Variants in CECR2 observed in about 807,000 individuals in gnomAD.
CECR2 encodes the protein CECR2 histone acetyl-lysine reader.
CECR2 carries 30 observed loss-of-function variants against 154.5 expected under a neutral mutation model. The observed-to-expected ratio is 0.19, with a 90% CI of 0.15 to 0.26. CECR2 has a LOEUF of 0.26. Ranked by LOEUF, CECR2 falls within the 10% of genes least tolerant of loss-of-function variation. The pLI is 1.00. For synonymous variants in CECR2, 725 were observed against 683.7 expected (o/e 1.06, Z -0.94); for missense variants, 1,743 against 1,829.3 (o/e 0.95, Z 0.86).
chr22:17,545,908 A>C (rs2056606956), intron 16 of CECR2, among the ~76,000 whole-genome samples: 2 of 151,842 alleles, frequency 1.3e-5, no homozygotes, highest in Admixed American at 6.6e-5. Context: ...ACTCATTTAA[A>C]TTTTTGTGTT....
intron 1 of CECR2, among the ~76,000 whole-genome samples, chr22:17,446,359 C>G (rs567879088): frequency 1.3e-5 from 2 of 152,114 alleles, no homozygotes; most frequent in African/African-American, 4.8e-5. Flanking sequence ...CCGGTGGGTT[C>G]TTGGTCTCAC....
intron 8 of CECR2, among the ~76,000 whole-genome samples, chr22:17,523,755 CAAAAAAAAAA>C (rs66963477): frequency 0.076 from 7,706 of 101,246 alleles, 239 homozygotes; most frequent in Middle Eastern, 0.097. Flanking sequence ...GACTCTATCT[CAAAAAAAAAA>C]AAAAAAAAAA....
chr22:17,378,612 G>C (rs536820691), intron 1 of CECR2, among the ~76,000 whole-genome samples: 1 of 152,192 alleles, frequency 6.6e-6, no homozygotes. Context: ...TAGCAGTATT[G>C]TTGGCCTCTA....
chr22:17,544,829 AAAAAAAAG>A (rs1177724426), intron 16 of CECR2, among the ~76,000 whole-genome samples: 5 of 150,544 alleles, frequency 3.3e-5, no homozygotes, highest in Admixed American at 6.6e-5. Flanking sequence ...AAAAAAAAAA[AAAAAAAAG>A]GTTCATGCCT....
At chr22:17,504,435 T>A (rs1205635235) in intron 6 of CECR2, among the ~76,000 whole-genome samples, 1 of 150,690 alleles carries the variant, frequency 6.6e-6, no homozygotes, top group African/African-American at 2.4e-5. Flanking sequence ...TTTTTTTTAT[T>A]TTTATTTATT....
chr22:17,423,309 C>T (rs62239280), intron 1 of CECR2, among the ~76,000 whole-genome samples: 22,287 of 151,880 alleles, frequency 0.15, 1,673 homozygotes, highest in South Asian at 0.18. Flanking sequence ...CCTTCCCCTG[C>T]GTCAGTTAGG....
At chr22:17,532,626 TGAAACTCCAA>T (rs2056373735) in intron 9 of CECR2, among the ~76,000 whole-genome samples, 1 of 151,002 alleles carries the variant, frequency 6.6e-6, no homozygotes, top group African/African-American at 2.4e-5. Context: ...GTGTATGACT[TGAAACTCCAA>T]GAAAATCACC....
rs2056504524 is a variant in CECR2 at position 17,540,452 on chromosome 22, T to C, written c.1536T>C (p.His512=). Residue 512 remains histidine, a synonymous_variant, in exon 14 of 19, where the codon CAT becomes CAC. Transcript: ENST00000262608. ...CTGATAATTTAGAGAGGTGTTTCCA[T>C]CGGGCAATGATGAAACATTTTCCTG... ...KMSDNLERCF[H]RAMMKHFPGE... 1 of 1,580,534 alleles carries C rather than the reference T, an allele frequency of 6.3e-7. No individual in the cohort carries two copies. Among genetic ancestry groups the C allele is most frequent in the African/African-American group, 1.4e-5 (1 of 73,834 alleles).
chr22:17,516,846 G>A (rs917840495), intron 8 of CECR2, among the ~76,000 whole-genome samples: 4 of 151,760 alleles, frequency 2.6e-5, no homozygotes, highest in East Asian at 3.9e-4. Context: ...TGCCCGCCTC[G>A]TCCTCCCAAA....
At position 17,541,960 on chromosome 22, in the gene CECR2, C is replaced by A. The variant is rs2056530834; in HGVS notation, c.2006C>A (p.Thr669Asn). 1 of 1,612,992 alleles carries A rather than the reference C, an allele frequency of 6.2e-7. No individual in the cohort carries two copies. The highest frequency in any genetic ancestry group is 1.7e-5 in the Admixed American group (1 of 59,808). Reference protein sequence around the residue: ...GEPVQQRQPFTMQPPVGINSL... With the variant: ...GEPVQQRQPFNMQPPVGINSL... ...CCTGTGCAGCAGCGTCAGCCTTTCA[C>A]CATGCAGGTAAGCAGCCTACTCTGG... The change falls in exon 15 of 19, where the codon ACC becomes AAC. Residue 669 changes from threonine (T) to asparagine (N), a missense_variant. Transcript: ENST00000262608.
intron 2 of CECR2, among the ~76,000 whole-genome samples, chr22:17,495,226 C>A (rs868406342): frequency 7.2e-5 from 11 of 152,084 alleles, no homozygotes; most frequent in African/African-American, 2.4e-4. Context: ...TGTAAAATAA[C>A]CATCTAACAA....
chr22:17,522,674 C>T (rs1441506311), intron 8 of CECR2, among the ~76,000 whole-genome samples: 1 of 152,156 alleles, frequency 6.6e-6, no homozygotes, highest in Admixed American at 6.5e-5. Flanking sequence ...TAAAGTCAGG[C>T]TCATAGATTT....
At chr22:17,475,474 A>G (rs2055193828) in intron 1 of CECR2, among the ~76,000 whole-genome samples, 1 of 152,002 alleles carries the variant, frequency 6.6e-6, no homozygotes, top group Non-Finnish European at 1.5e-5. Context: ...TTTCTCCCTT[A>G]AAAGAGACAG....
At chr22:17,439,050 G>A (rs879736240) in intron 1 of CECR2, among the ~76,000 whole-genome samples, 3 of 151,854 alleles carry the variant, frequency 2.0e-5, no homozygotes, top group Non-Finnish European at 4.4e-5. Context: ...AAAGCAAGAA[G>A]ACCTAGCATT....
intron 1 of CECR2, among the ~76,000 whole-genome samples, chr22:17,378,480 T>G (rs1306078059): frequency 1.3e-5 from 2 of 151,838 alleles, no homozygotes; most frequent in Admixed American, 6.6e-5. Context: ...GTATTTTTAG[T>G]AGAGACGGGG....
At chr22:17,463,694 A>G (rs1422144161) in intron 1 of CECR2, among the ~76,000 whole-genome samples, 2 of 151,900 alleles carry the variant, frequency 1.3e-5, no homozygotes, top group African/African-American at 4.8e-5. Flanking sequence ...TTTGACATTC[A>G]TTGCTGACGT....
intron 1 of CECR2, among the ~76,000 whole-genome samples, chr22:17,416,761 C>A (rs2054161395): frequency 1.3e-5 from 2 of 152,154 alleles, no homozygotes; most frequent in Admixed American, 1.3e-4. Flanking sequence ...CTCAGTCTCC[C>A]AAAGTGCTGG....
intron 1 of CECR2, among the ~76,000 whole-genome samples, chr22:17,394,484 A>G (rs975554670): frequency 2.0e-5 from 3 of 151,980 alleles, no homozygotes; most frequent in African/African-American, 7.2e-5. Context: ...TTTGAGCGTG[A>G]ACCACCACAC....
chr22:17,455,430 G>A (rs2054837847), intron 1 of CECR2, among the ~76,000 whole-genome samples: 1 of 152,078 alleles, frequency 6.6e-6, no homozygotes, highest in South Asian at 2.1e-4. Context: ...CTTGTCTCTG[G>A]CAATCTTCAT....
Sources: gnomAD v4.1 joint callset for allele counts (sites outside exome capture counted in the v4.1 genomes callset) on GRCh38, gnomAD v4.1.1 for gene constraint, MANE v1.5 for transcripts, NCBI Gene and HGNC (gene_info 2026-07-23, HGNC 2026-07-21) for gene names.